The following NLRP13 variants were observed in gnomAD, a reference collection of about 807,000 sequenced individuals.
NLRP13 encodes the protein NLR family pyrin domain containing 13.
Under a neutral mutation model 94.4 loss-of-function variants are expected in NLRP13, and 82 were observed. The ratio of observed to expected loss-of-function variants is 0.87; its 90% CI spans 0.73 to 1.04. NLRP13 has a LOEUF of 1.04. Ranked by LOEUF, NLRP13 falls within the 50% of genes least tolerant of loss-of-function variation. NLRP13 has a pLI of 0.00. For synonymous variants in NLRP13, 553 were observed against 464.7 expected, an observed-to-expected ratio of 1.19 and a Z score of -2.45; for missense variants, 1,426 against 1,230.8, an observed-to-expected ratio of 1.16 and a Z score of -2.37.
intron 6 of NLRP13, 138 bp from the exon 7 acceptor site, chr19:55,908,094 C>G: frequency 2.7e-6 from 2 of 738,808 alleles, no homozygotes; most frequent in East Asian, 5.6e-5. Flanking sequence ...AAAACAAGGG[C>G]TGAGCCATGG....
rs1165652653 is a variant in NLRP13 at position 55,912,541 on chromosome 19, T to C, written c.1276A>G (p.Met426Val). 2.5e-6 allele frequency: 4 copies of C among 1,614,126 alleles called. No homozygotes were observed. Among genetic ancestry groups the C allele is most frequent in the Non-Finnish European group, 3.4e-6 (4 of 1,180,002 alleles). ...ETLFHSCSAP[M>V]VCWTVCSCLK... Reference sequence around the variant, plus strand: ...CAGGAACATACGGTCCAACACACCATGGGGGCACTGCAGGAATGAAAGAGA... The same window carrying C: ...CAGGAACATACGGTCCAACACACCACGGGGGCACTGCAGGAATGAAAGAGA... Residue 426 changes from methionine to valine, a missense_variant, in exon 5 of 11, where the codon ATG becomes GTG. Physicochemically the swap from Met to Val is conservative, Grantham distance 21 (BLOSUM62 1). Coordinates refer to ENST00000342929, the MANE Select transcript of NLRP13 (RefSeq NM_176810.2).
At chr19:55,919,920 G>A (rs1023552990) in intron 4 of NLRP13, among the ~76,000 whole-genome samples, 3 of 152,072 alleles carry the variant, frequency 2.0e-5, no homozygotes, top group East Asian at 3.9e-4. Flanking sequence ...CACCTTACCT[G>A]ACTTCAAATT....
intron 4 of NLRP13, among the ~76,000 whole-genome samples, chr19:55,923,131 T>A (rs1442426919): frequency 1.3e-5 from 2 of 152,228 alleles, no homozygotes; most frequent in African/African-American, 4.8e-5. Context: ...AAACTACAGA[T>A]GCCTATTAAT....
intron 2 of NLRP13, 57 bp downstream of exon 2, chr19:55,924,910 T>G (rs974561871): frequency 7.0e-7 from 1 of 1,421,416 alleles, no homozygotes; most frequent in Non-Finnish European, 1.0e-6. Context: ...TGTGGACCAG[T>G]GAATGAGTGC....
intron 1 of NLRP13, among the ~76,000 whole-genome samples, chr19:55,928,580 T>C (rs992620049): frequency 6.6e-6 from 1 of 152,198 alleles, no homozygotes; most frequent in South Asian, 2.1e-4. Context: ...TTTAAGTTTA[T>C]ATTTTTAAAA....
chr19:55,924,129 ATTTATT>A (rs1459184527), intron 3 of NLRP13, 150 bp from the exon 4 acceptor site: 2 of 645,570 alleles, frequency 3.1e-6, no homozygotes, highest in East Asian at 2.7e-5. Flanking sequence ...TATATTTTTT[ATTTATT>A]TTTAAGAAAT....
intron 7 of NLRP13, among the ~76,000 whole-genome samples, chr19:55,907,533 T>C (rs6509971): frequency 0.73 from 110,925 of 152,060 alleles, 40,881 homozygotes; most frequent in African/African-American, 0.83. Flanking sequence ...GATCACGTCA[T>C]TGCACTCCAG....
chr19:55,908,246 ATTC>A (rs1227341018), intron 6 of NLRP13, among the ~76,000 whole-genome samples: 2 of 152,092 alleles, frequency 1.3e-5, no homozygotes, highest in South Asian at 2.1e-4. Flanking sequence ...GGGGCCACCT[ATTC>A]TTCTAGGAAA....
At chr19:55,903,070 GTTATAA>G (rs1231483828) in intron 8 of NLRP13, among the ~76,000 whole-genome samples, 1 of 151,502 alleles carries the variant, frequency 6.6e-6, no homozygotes, top group South Asian at 2.1e-4. Flanking sequence ...AATTATAACA[GTTATAA>G]TTATACTAAT....
downstream of NLRP13, chr19:55,891,798 T>C: frequency 6.0e-6 from 2 of 330,636 alleles, no homozygotes; most frequent in Non-Finnish European, 1.1e-5. Context: ...ACTTATGATC[T>C]TGGTACCAGA....
rs1315381691 is a variant in NLRP13 at position 55,913,066 on chromosome 19, G to A, written c.751C>T (p.His251Tyr). The change falls in exon 5 of 11, where the codon CAC becomes TAC. Residue 251 changes from histidine to tyrosine, a missense_variant. By Grantham distance (83) the His-to-Tyr change is moderately conservative. Coordinates refer to ENST00000342929, the MANE Select transcript of NLRP13 (RefSeq NM_176810.2). ...TGAAAGAGAACTCCATTTGCCCAGT[G>A]CAGCATAGCCTGCATTGCCAAGGTG... ...KTTLAMQAML[H>Y]WANGVLFQQR... The A allele has an allele frequency of 6.2e-7, 1 of 1,614,166 alleles. No individual in the cohort carries two copies. Among genetic ancestry groups the A allele is most frequent in the Admixed American group, 1.7e-5 (1 of 60,032 alleles).
intron 1 of NLRP13, among the ~76,000 whole-genome samples, chr19:55,930,286 C>T (rs1230803265): frequency 6.6e-6 from 1 of 152,210 alleles, no homozygotes; most frequent in African/African-American, 2.4e-5. Flanking sequence ...TTTACTTAAG[C>T]TGTCTGTGCC....
rs201716484 is a variant in NLRP13 at position 55,912,265 on chromosome 19, C to G, written c.1552G>C (p.Glu518Gln). Residue 518 changes from glutamate (E) to glutamine (Q), a missense_variant, in exon 5 of 11, where the codon GAG (glutamate) becomes CAG (glutamine). Physicochemically the swap from Glu to Gln is conservative, Grantham distance 29 (BLOSUM62 2). Coordinates refer to ENST00000342929, the MANE Select transcript of NLRP13 (RefSeq NM_176810.2). ...LEVPFIDSLY[E>Q]FNILQKINDC... Reference sequence around the variant, plus strand: ...TTGATCTTTTGAAGAATATTGAACTCGTAGAGAGAATCAATGAAAGGCACT... The same window carrying G: ...TTGATCTTTTGAAGAATATTGAACTGGTAGAGAGAATCAATGAAAGGCACT... 6.2e-7 allele frequency: 1 copy of G among 1,614,012 alleles called. No individual in the cohort carries two copies. Among genetic ancestry groups the G allele is most frequent in the African/African-American group, 1.3e-5 (1 of 75,010 alleles).
chr19:55,924,533 A>G (rs910577158), intron 3 of NLRP13, 57 bp downstream of exon 3: 20 of 1,269,750 alleles, frequency 1.6e-5, no homozygotes, highest in Non-Finnish European at 2.3e-5. Flanking sequence ...ATGTGGACCA[A>G]TGAAACGAGT....
At chr19:55,929,438 T>C (rs1348175911) in intron 1 of NLRP13, among the ~76,000 whole-genome samples, 6 of 152,252 alleles carry the variant, frequency 3.9e-5, no homozygotes, top group African/African-American at 1.2e-4. Flanking sequence ...TGGAATACTA[T>C]GCAGCCGTAA....
chr19:55,917,759 AC>A (rs1986707858), intron 4 of NLRP13, among the ~76,000 whole-genome samples: 1 of 67,512 alleles, frequency 1.5e-5, no homozygotes, highest in Non-Finnish European at 4.8e-5. Flanking sequence ...ATACCAGAGT[AC>A]CTAGATTCAT....
chr19:55,891,995 G>A (rs116888718), downstream of NLRP13: 10,683 of 839,244 alleles, frequency 0.013, 96 homozygotes, highest in Non-Finnish European at 0.015. Context: ...CATCTAATCC[G>A]TGGGATCACC....
At chr19:55,906,532 C>A (rs759372614) in intron 7 of NLRP13, among the ~76,000 whole-genome samples, 5 of 152,064 alleles carry the variant, frequency 3.3e-5, no homozygotes, top group Non-Finnish European at 5.9e-5. Context: ...GCAAGACTTA[C>A]GACAGCTCCT....
rs1230178494 is a variant in NLRP13, at chr19:55,911,962, A to C, written c.1855T>G (p.Trp619Gly). Residue 619 changes from tryptophan to glycine, a missense_variant, in exon 5 of 11, where the codon TGG becomes GGG. Transcript: ENST00000342929. ...SPRVMEELLK[W>G]GEELGKAESA... ...TCAGCCTTACCTAACTCTTCTCCCC[A>C]CTTTAATAATTCCTCCATTACCCTG... is the stretch of plus-strand genomic sequence containing the variant. 2 of 1,614,112 alleles carry C rather than the reference A, an allele frequency of 1.2e-6. No individual in the cohort carries two copies. Among genetic ancestry groups the C allele is most frequent in the African/African-American group, 2.7e-5 (2 of 74,940 alleles).
Sources: gnomAD v4.1 joint callset for allele counts (sites outside exome capture counted in the v4.1 genomes callset) on GRCh38, gnomAD v4.1.1 for gene constraint, MANE v1.5 for transcripts, NCBI Gene and HGNC (gene_info 2026-07-23, HGNC 2026-07-21) for gene names.